DLGAP1: variants seen among roughly 807,000 people sequenced by gnomAD.
DLGAP1 encodes disks large-associated protein 1.
Under a neutral mutation model 90.8 loss-of-function variants are expected in DLGAP1, and 11 were observed. That is an observed-to-expected ratio of 0.12 (90% CI 0.08 to 0.20). DLGAP1 has a LOEUF of 0.20. Among genes scored for constraint, DLGAP1 ranks in the 10% least tolerant of loss-of-function variants. The pLI, the probability that DLGAP1 is intolerant of heterozygous loss-of-function variation, is 1.00. For synonymous variants in DLGAP1, 558 were observed against 540.7 expected (o/e 1.03, Z -0.44); for missense variants, 1,050 against 1,333.8 (o/e 0.79, Z 3.31).
intron 3 of DLGAP1, among the ~76,000 whole-genome samples, chr18:3,996,296 C>A (rs1328685604): frequency 6.6e-6 from 1 of 151,958 alleles, no homozygotes; most frequent in Non-Finnish European, 1.5e-5. Context: ...TGAAATGTGG[C>A]CAGTGTGACT....
At chr18:3,558,145 T>G (rs1482538705) in intron 9 of DLGAP1, among the ~76,000 whole-genome samples, 1 of 152,250 alleles carries the variant, frequency 6.6e-6, no homozygotes, top group Non-Finnish European at 1.5e-5. Context: ...CCATTTCTGA[T>G]AGAGAATTGT....
rs1420181397 is a variant in DLGAP1 at position 3,795,310 on chromosome 18, T to C, written c.1172+18749A>G. Among the ~76,000 whole-genome samples the C allele has an allele frequency of 2.0e-5, 3 of 152,054 alleles. No homozygotes were observed. The East Asian group carries it at 5.8e-4, about 29-fold the overall frequency. ...ATATTTTCTCCCTTGTCCTCATCTG[T>C]TTTCTTTTCTCTTTTCTTTTTTTTG... is the stretch of plus-strand genomic sequence containing the variant. On this transcript the variant is annotated intron_variant, in intron 5 of 12. Coordinates refer to ENST00000315677, the MANE Select transcript of DLGAP1 (RefSeq NM_004746.4).
chr18:3,586,272 G>C (rs1258514634), intron 7 of DLGAP1, among the ~76,000 whole-genome samples: 2 of 152,038 alleles, frequency 1.3e-5, no homozygotes, highest in Non-Finnish European at 2.9e-5. Context: ...GTTATACGGA[G>C]GGACATTACT....
intron 5 of DLGAP1, among the ~76,000 whole-genome samples, chr18:3,777,623 C>CA (rs199723850): frequency 6.6e-6 from 1 of 152,110 alleles, no homozygotes; most frequent in Non-Finnish European, 1.5e-5. Flanking sequence ...TTATGATGAT[C>CA]ATCTCCTCTT....
intron 5 of DLGAP1, among the ~76,000 whole-genome samples, chr18:3,791,638 A>G (rs1029697126): frequency 1.3e-5 from 2 of 152,232 alleles, no homozygotes; most frequent in African/African-American, 4.8e-5. Context: ...TCATTATGCA[A>G]TACATGGCAT....
chr18:4,324,424 A>G (rs1400749589), intron 1 of DLGAP1, among the ~76,000 whole-genome samples: 1 of 151,974 alleles, frequency 6.6e-6, no homozygotes, highest in Admixed American at 6.6e-5. Context: ...TCACAGCCAA[A>G]TTCTGTCAGA....
intron 4 of DLGAP1, among the ~76,000 whole-genome samples, chr18:3,859,336 T>G (rs185401698): frequency 1.4e-4 from 22 of 152,312 alleles, no homozygotes; most frequent in Non-Finnish European, 2.1e-4. Context: ...CACACCAAGT[T>G]TAAAAAAATG....
At chr18:3,724,088 G>A (rs911322460) in intron 7 of DLGAP1, among the ~76,000 whole-genome samples, 1 of 152,210 alleles carries the variant, frequency 6.6e-6, no homozygotes, top group South Asian at 2.1e-4. Context: ...ACTTTGGGAT[G>A]TTGAGGTGGG....
At chr18:3,656,481 G>C (rs2059488710) in intron 7 of DLGAP1, among the ~76,000 whole-genome samples, 1 of 152,136 alleles carries the variant, frequency 6.6e-6, no homozygotes, top group Non-Finnish European at 1.5e-5. Context: ...CTTCCTCTTT[G>C]ATACTGTATC....
chr18:4,005,601 C>A (rs186533204), intron 2 of DLGAP1, among the ~76,000 whole-genome samples: 1 of 152,180 alleles, frequency 6.6e-6, no homozygotes, highest in Non-Finnish European at 1.5e-5. Flanking sequence ...TGCCCACCCT[C>A]GGGAGTTCAC....
At chr18:3,793,161 C>T (rs1329841937) in intron 5 of DLGAP1, among the ~76,000 whole-genome samples, 1 of 152,192 alleles carries the variant, frequency 6.6e-6, no homozygotes, top group Non-Finnish European at 1.5e-5. Flanking sequence ...AGGACTGTTT[C>T]AGCACACCAC....
chr18:3,501,926 T>C (rs1461027229), intron 12 of DLGAP1, among the ~76,000 whole-genome samples: 3 of 87,810 alleles, frequency 3.4e-5, no homozygotes, highest in African/African-American at 4.6e-5. Context: ...CCAAGGCAAA[T>C]CAACCAAAAG....
chr18:4,283,902 C>T (rs1302312414), intron 1 of DLGAP1, among the ~76,000 whole-genome samples: 1 of 152,094 alleles, frequency 6.6e-6, no homozygotes, highest in African/African-American at 2.4e-5. Context: ...TCCAAGAAAT[C>T]CAAGGCTCAG....
chr18:3,900,137 G>C (rs977649378), intron 3 of DLGAP1, among the ~76,000 whole-genome samples: 13 of 152,168 alleles, frequency 8.5e-5, no homozygotes, highest in African/African-American at 3.1e-4. Context: ...GGACCCATAA[G>C]TAATGGAGGA....
intron 5 of DLGAP1, among the ~76,000 whole-genome samples, chr18:3,792,100 C>T (rs562823803): frequency 1.3e-5 from 2 of 152,274 alleles, no homozygotes; most frequent in South Asian, 2.1e-4. Context: ...AGCCCTATGC[C>T]CCAGCCCTGT....
chr18:3,533,034 G>A (rs1449906813), intron 10 of DLGAP1, among the ~76,000 whole-genome samples: 1 of 152,166 alleles, frequency 6.6e-6, no homozygotes, highest in Non-Finnish European at 1.5e-5. Flanking sequence ...GCTCATGCCT[G>A]TAATCCCAGC....
At chr18:4,257,287 T>G (rs896703043) in intron 1 of DLGAP1, among the ~76,000 whole-genome samples, 1 of 152,082 alleles carries the variant, frequency 6.6e-6, no homozygotes, top group African/African-American at 2.4e-5. Flanking sequence ...ATGGTAAAAT[T>G]TAGAGGCTGG....
intron 1 of DLGAP1, among the ~76,000 whole-genome samples, chr18:4,405,843 G>T (rs1183775245): frequency 3.9e-5 from 6 of 152,132 alleles, no homozygotes; most frequent in Non-Finnish European, 2.9e-5. Context: ...TTGACTACCA[G>T]TTGTCCAAGT....
At chr18:3,738,851 G>A (rs2062772906) in intron 6 of DLGAP1, among the ~76,000 whole-genome samples, 1 of 147,448 alleles carries the variant, frequency 6.8e-6, no homozygotes, top group Non-Finnish European at 1.5e-5. Context: ...CTACAAAATG[G>A]GAGAAAATTT....
Sources: allele counts gnomAD v4.1 joint callset (sites outside exome capture counted in the v4.1 genomes callset), GRCh38; gene constraint gnomAD v4.1.1; transcripts MANE v1.5; gene names NCBI Gene and HGNC (gene_info 2026-07-23, HGNC 2026-07-21).